Variants in CDC42BPA observed in about 807,000 individuals in gnomAD.
CDC42BPA encodes serine/threonine-protein kinase MRCK alpha.
CDC42BPA carries 80 observed loss-of-function variants against 223.5 expected under a neutral mutation model. The ratio of observed to expected loss-of-function variants is 0.36; its 90% CI spans 0.30 to 0.43. The LOEUF is 0.43. CDC42BPA is among the 20% of genes least tolerant of loss of function. The pLI, the probability that CDC42BPA is intolerant of heterozygous loss-of-function variation, is 1.00. For missense variants in CDC42BPA, 1,743 were observed against 2,099.9 expected, an observed-to-expected ratio of 0.83 and a Z score of 3.32; for synonymous variants, 694 against 718.6, an observed-to-expected ratio of 0.97 and a Z score of 0.55.
intron 11 of CDC42BPA, among the ~76,000 whole-genome samples, chr1:227,122,840 C>T (rs996228796): frequency 8.5e-5 from 13 of 152,100 alleles, no homozygotes; most frequent in Non-Finnish European, 1.0e-4. Flanking sequence ...GAACTTTGGT[C>T]AAATACTATA....
In CDC42BPA at chr1:227,034,643, T is replaced by C; in HGVS notation, c.3476+12A>G. On this transcript the variant is annotated intron_variant, in intron 26 of 36. Transcript: ENST00000366766. ...TGCAATGATACAAATAATTTTACCT[T>C]CAAACTCTTACCTCATGTCAATCAC... 3 of 1,583,030 alleles carry C rather than the reference T, an allele frequency of 1.9e-6. No homozygotes were observed. Among genetic ancestry groups the C allele is most frequent in the Non-Finnish European group, 2.6e-6 (3 of 1,164,214 alleles).
At chr1:227,103,069 T>C (rs1426609771) in intron 14 of CDC42BPA, among the ~76,000 whole-genome samples, 2 of 152,030 alleles carry the variant, frequency 1.3e-5, no homozygotes, top group Non-Finnish European at 2.9e-5. Context: ...AATTCAGAAA[T>C]ATCAACAAAA....
At chr1:227,169,600 G>A (rs1665736958) in intron 5 of CDC42BPA, among the ~76,000 whole-genome samples, 1 of 152,098 alleles carries the variant, frequency 6.6e-6, no homozygotes, top group South Asian at 2.1e-4. Context: ...GCTTTCACAG[G>A]CCATAGAGAC....
At chr1:226,996,899 G>C (rs1169916841) in intron 35 of CDC42BPA, among the ~76,000 whole-genome samples, 1 of 152,208 alleles carries the variant, frequency 6.6e-6, no homozygotes, top group Non-Finnish European at 1.5e-5. Flanking sequence ...GTTCATCAGG[G>C]ATATTGGCTT....
chr1:227,296,513 C>A (rs983233897), intron 1 of CDC42BPA, among the ~76,000 whole-genome samples: 1 of 151,956 alleles, frequency 6.6e-6, no homozygotes, highest in Admixed American at 6.6e-5. Context: ...CGAGACCAGC[C>A]TGGCCATAAT....
At chr1:227,078,828 G>A (rs1283701365) in intron 17 of CDC42BPA, among the ~76,000 whole-genome samples, 3 of 152,112 alleles carry the variant, frequency 2.0e-5, no homozygotes, top group Admixed American at 6.6e-5. Flanking sequence ...AGAAGGTTGA[G>A]TATTCCTAAT....
At chr1:227,274,830 G>C (rs1418630422) in intron 1 of CDC42BPA, among the ~76,000 whole-genome samples, 2 of 152,108 alleles carry the variant, frequency 1.3e-5, no homozygotes, top group Admixed American at 6.5e-5. Context: ...TACAGATAAT[G>C]ACTGTCATTA....
At chr1:227,285,872 C>A (rs1386171992) in intron 1 of CDC42BPA, among the ~76,000 whole-genome samples, 1 of 152,036 alleles carries the variant, frequency 6.6e-6, no homozygotes, top group Non-Finnish European at 1.5e-5. Context: ...AAATCACAAT[C>A]ATGCTTTTAT....
chr1:227,006,946 G>A (rs1041813316), intron 34 of CDC42BPA, among the ~76,000 whole-genome samples: 5 of 115,498 alleles, frequency 4.3e-5, no homozygotes, highest in African/African-American at 1.3e-4. Context: ...GTGAGACTCC[G>A]TCTCAACAAC....
At chr1:227,050,749 CAAATG>C (rs1393712481) in intron 22 of CDC42BPA, among the ~76,000 whole-genome samples, 1 of 151,958 alleles carries the variant, frequency 6.6e-6, no homozygotes, top group Non-Finnish European at 1.5e-5. Context: ...TTTGTGGATA[CAAATG>C]AAATGAACAT....
chr1:227,271,565 T>C (rs945112369), intron 1 of CDC42BPA, among the ~76,000 whole-genome samples: 2 of 152,098 alleles, frequency 1.3e-5, no homozygotes, highest in Non-Finnish European at 2.9e-5. Flanking sequence ...CTGATAGATA[T>C]ATTCTTTATT....
At position 226,994,238 on chromosome 1, in the gene CDC42BPA, G is replaced by A; in HGVS notation, c.*30C>T. 1 of 1,551,798 alleles carries A rather than the reference G, an allele frequency of 6.4e-7. No individual in the cohort carries two copies. The highest frequency in any genetic ancestry group is 8.7e-7 in the Non-Finnish European group (1 of 1,146,380). ...GAGAGGAGGCGAGTGGCAGGGAGCG[G>A]AGAGCGAGAGGTCCCAGTGCTGAGG... On this transcript the variant is annotated 3_prime_UTR_variant, in exon 37 of 37. Transcript: ENST00000366766. This position sits in a 1 kb window ranked among gnomAD's most constrained non-coding sequence, Gnocchi z 4.0.
At chr1:227,044,839 T>C (rs1377337595) in intron 23 of CDC42BPA, among the ~76,000 whole-genome samples, 3 of 152,218 alleles carry the variant, frequency 2.0e-5, no homozygotes, top group Non-Finnish European at 4.4e-5. Flanking sequence ...ATCTTACTTG[T>C]ATAACCTCAT....
At chr1:227,050,177 GAAC>G (rs1002859492) in intron 22 of CDC42BPA, among the ~76,000 whole-genome samples, 5 of 152,010 alleles carry the variant, frequency 3.3e-5, no homozygotes, top group Non-Finnish European at 5.9e-5. Flanking sequence ...TGATTCAATA[GAAC>G]AACAAAGGAC....
intron 3 of CDC42BPA, among the ~76,000 whole-genome samples, chr1:227,205,283 A>AAAAAATATATAT (rs1376021292): frequency 1.6e-5 from 2 of 122,778 alleles, no homozygotes; most frequent in Admixed American, 9.0e-5. Flanking sequence ...AAAAAAAAAA[A>AAAAAATATATAT]ATATATATAT....
intron 3 of CDC42BPA, among the ~76,000 whole-genome samples, chr1:227,206,788 G>A (rs947680251): frequency 6.6e-6 from 1 of 152,044 alleles, no homozygotes; most frequent in Admixed American, 6.6e-5. Flanking sequence ...TTCAAATATG[G>A]AATCAGTCTT....
intron 23 of CDC42BPA, among the ~76,000 whole-genome samples, chr1:227,046,016 G>A (rs542587382): frequency 3.9e-5 from 6 of 152,036 alleles, no homozygotes; most frequent in Non-Finnish European, 8.8e-5. Context: ...ATGCTGCCCA[G>A]GTAGGTCTCG....
At chr1:227,148,723 C>A (rs1346654380) in intron 6 of CDC42BPA, among the ~76,000 whole-genome samples, 3 of 122,336 alleles carry the variant, frequency 2.5e-5, no homozygotes, top group African/African-American at 9.4e-5. Flanking sequence ...GCCAAGATTG[C>A]GCCACTGCAC....
intron 1 of CDC42BPA, among the ~76,000 whole-genome samples, chr1:227,269,684 T>C (rs1403656892): frequency 1.3e-5 from 2 of 152,064 alleles, no homozygotes; most frequent in Non-Finnish European, 2.9e-5. Context: ...GAAATATTAA[T>C]ATTAGAAAAA....
Sources: gnomAD v4.1 joint callset for allele counts (sites outside exome capture counted in the v4.1 genomes callset) on GRCh38, gnomAD v4.1.1 for gene constraint, Gnocchi (gnomAD v3.1) non-coding constraint, MANE v1.5 for transcripts, NCBI Gene and HGNC (gene_info 2026-07-23, HGNC 2026-07-21) for gene names.